The following MED13L variants were observed in gnomAD, a reference collection of about 807,000 sequenced individuals.
MED13L encodes mediator of RNA polymerase II transcription subunit 13-like.
MED13L carries 7 observed loss-of-function variants against 220.9 expected under a neutral mutation model. That is an observed-to-expected ratio of 0.03 (90% CI 0.02 to 0.06). The LOEUF (loss-of-function observed/expected upper bound fraction) is 0.06, where lower values mean the gene tolerates loss of function less well. Among genes scored for constraint, MED13L ranks in the 10% least tolerant of loss-of-function variants. The pLI is 1.00. For synonymous variants in MED13L, 1,011 were observed against 1,015.2 expected, an observed-to-expected ratio of 1.00 and a Z score of 0.08; for missense variants, 1,965 against 2,760.5, an observed-to-expected ratio of 0.71 and a Z score of 6.46.
intron 1 of MED13L, among the ~76,000 whole-genome samples, chr12:116,244,409 A>G (rs909875237): frequency 1.1e-4 from 17 of 152,220 alleles, no homozygotes; most frequent in Non-Finnish European, 1.9e-4. Context: ...ATTTCATTAA[A>G]TTATATAATT....
At chr12:116,113,698 G>A (rs1408191175) in intron 2 of MED13L, among the ~76,000 whole-genome samples, 2 of 136,890 alleles carry the variant, frequency 1.5e-5, no homozygotes, top group Non-Finnish European at 3.2e-5. Context: ...GGGAGACAGT[G>A]AGTGGAGGAG....
At chr12:116,276,493 G>A in intron 1 of MED13L, 4 of 1,287,660 alleles carry the variant, frequency 3.1e-6, no homozygotes, top group Non-Finnish European at 4.0e-6. Context: ...AGAGGCAGGC[G>A]GCTGTCGATG....
chr12:116,013,980 T>C (rs904988743), intron 8 of MED13L, among the ~76,000 whole-genome samples: 2 of 152,224 alleles, frequency 1.3e-5, no homozygotes, highest in East Asian at 1.9e-4. Flanking sequence ...AATGTTTACT[T>C]GGAAATAATC....
intron 2 of MED13L, among the ~76,000 whole-genome samples, chr12:116,121,835 C>A (rs1875122523): frequency 6.6e-6 from 1 of 152,146 alleles, no homozygotes; most frequent in African/African-American, 2.4e-5. Flanking sequence ...ACGGCATTGG[C>A]CACTGCAAAT....
chr12:116,253,144 C>A (rs1871707512), intron 1 of MED13L, among the ~76,000 whole-genome samples: 1 of 151,224 alleles, frequency 6.6e-6, no homozygotes, highest in Admixed American at 6.6e-5. Flanking sequence ...CACCTGTAAT[C>A]CCAGCTACTT....
At chr12:116,137,387 G>C (rs1406439620) in intron 2 of MED13L, among the ~76,000 whole-genome samples, 1 of 152,024 alleles carries the variant, frequency 6.6e-6, no homozygotes, top group Non-Finnish European at 1.5e-5. Flanking sequence ...TACAGATATA[G>C]AAATCAAGTA....
intron 2 of MED13L, among the ~76,000 whole-genome samples, chr12:116,155,224 G>C (rs1451499764): frequency 6.6e-6 from 1 of 152,150 alleles, no homozygotes; most frequent in African/African-American, 2.4e-5. Flanking sequence ...AGGAGTTCAA[G>C]ATCAGCCTAG....
chr12:116,244,015 T>A (rs1870878940), intron 1 of MED13L, among the ~76,000 whole-genome samples: 1 of 152,206 alleles, frequency 6.6e-6, no homozygotes, highest in African/African-American at 2.4e-5. Flanking sequence ...AGTCAACATT[T>A]CAGGAAACTA....
intron 4 of MED13L, among the ~76,000 whole-genome samples, chr12:116,054,077 C>T (rs1308391028): frequency 2.0e-5 from 3 of 152,170 alleles, no homozygotes; most frequent in Admixed American, 1.3e-4. Context: ...AATGATGCCC[C>T]ATTGTCCAGC....
At chr12:116,014,976 T>C in intron 8 of MED13L, 133 bp downstream of exon 8, 1 of 845,458 alleles carries the variant, frequency 1.2e-6, no homozygotes, top group Non-Finnish European at 2.0e-6. Context: ...TCTATTAAAT[T>C]CAAAAAGATG....
intron 19 of MED13L, among the ~76,000 whole-genome samples, chr12:115,985,993 G>C (rs1337222865): frequency 1.3e-5 from 2 of 152,126 alleles, no homozygotes; most frequent in African/African-American, 4.8e-5. Flanking sequence ...TCAACTTTTA[G>C]CACATAAATG....
intron 2 of MED13L, among the ~76,000 whole-genome samples, chr12:116,180,260 C>T (rs1327458897): frequency 1.3e-5 from 2 of 152,122 alleles, no homozygotes; most frequent in Non-Finnish European, 2.9e-5. Context: ...ATTCCAAATA[C>T]AAAAATCTGA....
At chr12:116,053,514 T>A in intron 4 of MED13L, among the ~76,000 whole-genome samples, 1 of 151,944 alleles carries the variant, frequency 6.6e-6, no homozygotes, top group Non-Finnish European at 1.5e-5. Context: ...ATACTAAGAG[T>A]TATTAATATT....
intron 4 of MED13L, among the ~76,000 whole-genome samples, chr12:116,074,943 C>A (rs899933066): frequency 6.6e-6 from 1 of 152,224 alleles, no homozygotes; most frequent in Non-Finnish European, 1.5e-5. Context: ...AGCTTTATTG[C>A]GCAAGCAAGG....
chr12:116,277,604 C>G lies in MED13L; in HGVS notation c.-473G>C, dbSNP rs1873993593. 6.7e-6 allele frequency among the ~76,000 whole-genome samples: 1 copy of G among 149,602 alleles called. No homozygotes were observed. Among genetic ancestry groups the G allele is most frequent in the Non-Finnish European group, 1.5e-5 (1 of 67,014 alleles). On this transcript the variant is annotated 5_prime_UTR_variant, in exon 1 of 31. Coordinates refer to ENST00000281928, the MANE Select transcript of MED13L (RefSeq NM_015335.5). ...GCGACCCCGGCAGCCGAGCGACGTC[C>G]CCTCCTTCCTCTTCCTCCCCCACCC...
chr12:116,245,367 C>T (rs551789520), intron 1 of MED13L, among the ~76,000 whole-genome samples: 4 of 152,202 alleles, frequency 2.6e-5, no homozygotes, highest in Admixed American at 6.5e-5. Flanking sequence ...ATCAGTGAGG[C>T]GCACAGTTAA....
chr12:116,076,813 T>G (rs1870840482), intron 4 of MED13L, among the ~76,000 whole-genome samples: 1 of 152,184 alleles, frequency 6.6e-6, no homozygotes, highest in Non-Finnish European at 1.5e-5. Flanking sequence ...CAATCCCAAT[T>G]TTTCAGTCAT....
chr12:116,100,598 CAAAAAAAAAAAAAA>C (rs760855189), intron 3 of MED13L, among the ~76,000 whole-genome samples: 1 of 68,002 alleles, frequency 1.5e-5, no homozygotes, highest in Non-Finnish European at 2.9e-5. Flanking sequence ...GACTCCGTCT[CAAAAAAAAAAAAAA>C]AAAAAAAAAA....
chr12:115,983,268 T>G lies in MED13L; in HGVS notation c.4804A>C (p.Thr1602Pro). 6.2e-7 allele frequency: 1 copy of G among 1,614,064 alleles called. No individual in the cohort carries two copies. Among genetic ancestry groups the G allele is most frequent in the Non-Finnish European group, 8.5e-7 (1 of 1,180,002 alleles). ...CTACCACTGAATCCTGAAGAAGAGG[T>G]AGTGCTTATCTGGCTAATACCAGGA... ...SAPGISQIST[T>P]SSSGFSGSVG... Residue 1602 changes from threonine (T) to proline (P), a missense_variant, in exon 21 of 31, where the codon ACC becomes CCC. Thr to Pro is a conservative substitution (Grantham distance 38). Transcript: ENST00000281928.
Sources: allele counts gnomAD v4.1 joint callset (sites outside exome capture counted in the v4.1 genomes callset), GRCh38; gene constraint gnomAD v4.1.1; transcripts MANE v1.5; gene names NCBI Gene and HGNC (gene_info 2026-07-23, HGNC 2026-07-21).